SLC9C1: variants seen among roughly 807,000 people sequenced by gnomAD.
SLC9C1 encodes the protein solute carrier family 9 member C1, also known as sodium/hydrogen exchanger 10.
Under a neutral mutation model 140.9 loss-of-function variants are expected in SLC9C1, and 97 were observed. The ratio of observed to expected loss-of-function variants is 0.69; its 90% CI spans 0.58 to 0.82. The LOEUF (loss-of-function observed/expected upper bound fraction) is 0.82. Among genes scored for constraint, SLC9C1 ranks in the 40% least tolerant of loss-of-function variants. SLC9C1 has a pLI of 0.00. For synonymous variants in SLC9C1, 440 were observed against 442.6 expected (o/e 0.99, Z 0.07); for missense variants, 1,340 against 1,389.3 (o/e 0.96, Z 0.56).
chr3:112,290,645 G>A (rs906829059), intron 1 of SLC9C1, among the ~76,000 whole-genome samples: 7 of 152,156 alleles, frequency 4.6e-5, no homozygotes. Flanking sequence ...AAAACTGTCA[G>A]TGGGATGTTG....
intron 13 of SLC9C1, among the ~76,000 whole-genome samples, chr3:112,228,102 A>G (rs1009495077): frequency 8.5e-5 from 13 of 152,150 alleles, no homozygotes; most frequent in African/African-American, 3.1e-4. Flanking sequence ...TTTTGAGCAC[A>G]AGGAACAAAG....
chr3:112,161,030 G>A (rs1300434639), intron 26 of SLC9C1, among the ~76,000 whole-genome samples: 1 of 152,182 alleles, frequency 6.6e-6, no homozygotes, highest in African/African-American at 2.4e-5. Context: ...GTGATGATGA[G>A]CATTTTTTCA....
At chr3:112,152,004 C>A in intron 27 of SLC9C1, 41 bp from the exon 28 acceptor site, 1 of 1,510,124 alleles carries the variant, frequency 6.6e-7, no homozygotes, top group Non-Finnish European at 8.9e-7. Context: ...TCATGATAGG[C>A]CTTTTGAAGG....
At chr3:112,147,219 A>T (rs2074827051) in intron 28 of SLC9C1, among the ~76,000 whole-genome samples, 1 of 152,100 alleles carries the variant, frequency 6.6e-6, no homozygotes, top group African/African-American at 2.4e-5. Context: ...CTTGAAGGAT[A>T]GGTCTTGTTT....
In SLC9C1 at chr3:112,286,761, TGAA is replaced by T; in HGVS notation, c.28_30del (p.Phe10del). The T allele has an allele frequency of 6.2e-7, 1 of 1,612,014 alleles. No individual in the cohort carries two copies. The highest frequency in any genetic ancestry group is 8.5e-7 in the Non-Finnish European group (1 of 1,179,286). On this transcript the variant is annotated inframe_deletion, in exon 2 of 29. Transcript: ENST00000305815. ...ATGACTTCAGGGAGGTCCTCAGTAC[TGAA>T]AAAAAACTCCTTAAATATTCCAGCC...
intron 27 of SLC9C1, 140 bp from the exon 28 acceptor site, chr3:112,152,103 A>G (rs948073601): frequency 1.6e-6 from 1 of 639,128 alleles, no homozygotes. Flanking sequence ...AAAAGTATAG[A>G]GGAAGAAAAG....
chr3:112,164,102 T>A (rs1310828219), intron 26 of SLC9C1, among the ~76,000 whole-genome samples: 4 of 151,910 alleles, frequency 2.6e-5, no homozygotes, highest in African/African-American at 7.3e-5. Context: ...AACCCCTGCC[T>A]TTTTTTGTTT....
Position 112,259,455 on chromosome 3 carries a change from A to G in SLC9C1, c.1197+3469T>C, listed in dbSNP as rs142595593. Among the ~76,000 whole-genome samples the G allele has an allele frequency of 1.0e-3, 158 of 151,854 alleles. 4 individuals carry two copies. In the East Asian group the frequency reaches 0.027, roughly 26 times the overall value. On this transcript the variant is annotated intron_variant, in intron 10 of 28. Coordinates refer to ENST00000305815, the MANE Select transcript of SLC9C1 (RefSeq NM_183061.3). ...AAAGCAAAAAACATAAACCAAGACC[A>G]TGTCCTCGTGTCCTTTGCAGCAACA...
At chr3:112,161,219 T>C (rs1236139890) in intron 26 of SLC9C1, among the ~76,000 whole-genome samples, 2 of 152,152 alleles carry the variant, frequency 1.3e-5, no homozygotes, top group Admixed American at 6.5e-5. Context: ...ATTTTGTAGG[T>C]TGCCTGTTCA....
intron 16 of SLC9C1, among the ~76,000 whole-genome samples, chr3:112,206,944 T>C (rs1340022584): frequency 6.6e-6 from 1 of 152,148 alleles, no homozygotes; most frequent in East Asian, 1.9e-4. Flanking sequence ...TGTTTACATA[T>C]GTAATAAACC....
intron 4 of SLC9C1, 79 bp downstream of exon 4, chr3:112,278,650 G>GA (rs1235103977): frequency 5.5e-6 from 8 of 1,449,288 alleles, no homozygotes; most frequent in African/African-American, 1.4e-5. Flanking sequence ...CCCTATTTTG[G>GA]AAAAAAATAT....
intron 26 of SLC9C1, among the ~76,000 whole-genome samples, chr3:112,163,793 T>A (rs2075379548): frequency 6.6e-6 from 1 of 152,204 alleles, no homozygotes; most frequent in Non-Finnish European, 1.5e-5. Context: ...TAGGTCCTCT[T>A]GGTGCAGAGC....
At chr3:112,256,307 C>T (rs576995655) in intron 10 of SLC9C1, among the ~76,000 whole-genome samples, 1 of 152,246 alleles carries the variant, frequency 6.6e-6, no homozygotes, top group African/African-American at 2.4e-5. Flanking sequence ...GCTTGATGAA[C>T]ATTGATGCAA....
At chr3:112,282,431 T>G (rs2080383909) in intron 2 of SLC9C1, among the ~76,000 whole-genome samples, 1 of 152,226 alleles carries the variant, frequency 6.6e-6, no homozygotes, top group Admixed American at 6.5e-5. Flanking sequence ...GAGAGTGTTT[T>G]GAAAAACTCA....
intron 10 of SLC9C1, among the ~76,000 whole-genome samples, chr3:112,252,025 C>T (rs893600851): frequency 1.7e-4 from 26 of 152,200 alleles, no homozygotes; most frequent in Admixed American, 1.7e-3. Flanking sequence ...GCTAATATTC[C>T]ATGTAGCTCT....
chr3:112,286,867 G>A lies in SLC9C1; in HGVS notation c.-76C>T. On this transcript the variant is annotated 5_prime_UTR_variant, in exon 2 of 29. Coordinates refer to ENST00000305815, the MANE Select transcript of SLC9C1 (RefSeq NM_183061.3). ...ATCATCCATCTTGTTGTTTTTCACA[G>A]TCCATCTGAATCTAAGAAACATAAG... The A allele has an allele frequency of 2.1e-6, 2 of 971,978 alleles. No homozygotes were observed. The highest frequency in any genetic ancestry group is 3.0e-6 in the Non-Finnish European group (2 of 666,900). 60.2% of individuals were successfully genotyped at this position (971,978 alleles called of 1,614,324 possible).
At chr3:112,165,739 T>G (rs1292779489) in intron 26 of SLC9C1, among the ~76,000 whole-genome samples, 1 of 152,194 alleles carries the variant, frequency 6.6e-6, no homozygotes, top group Non-Finnish European at 1.5e-5. Flanking sequence ...GAGGAGGCAG[T>G]TTGTCCATTC....
At chr3:112,225,759 G>T (rs1006877557) in intron 13 of SLC9C1, among the ~76,000 whole-genome samples, 15 of 63,328 alleles carry the variant, frequency 2.4e-4, no homozygotes, top group Admixed American at 1.3e-3. Flanking sequence ...ACCCAAAAAT[G>T]ATCAGGAGTA....
intron 20 of SLC9C1, among the ~76,000 whole-genome samples, chr3:112,192,371 G>A (rs2077681374): frequency 1.3e-5 from 2 of 151,924 alleles, no homozygotes; most frequent in African/African-American, 4.8e-5. Flanking sequence ...TTTTGTGACT[G>A]GCTTATTTCA....
Sources: gnomAD v4.1 joint callset for allele counts (sites outside exome capture counted in the v4.1 genomes callset) on GRCh38, gnomAD v4.1.1 for gene constraint, MANE v1.5 for transcripts, NCBI Gene and HGNC (gene_info 2026-07-23, HGNC 2026-07-21) for gene names.